The following ZNHIT6 variants were observed in gnomAD, a reference collection of about 807,000 sequenced individuals.
ZNHIT6 encodes the protein zinc finger HIT-type containing 6.
In ZNHIT6, 45 loss-of-function variants were observed where a neutral mutation model predicts 57.2. The ratio of observed to expected loss-of-function variants is 0.79; its 90% CI spans 0.62 to 1.01. ZNHIT6 has a LOEUF of 1.01. Among genes scored for constraint, ZNHIT6 ranks in the 50% least tolerant of loss-of-function variants. The pLI is 0.00. For missense variants in ZNHIT6, 528 were observed against 567.3 expected (o/e 0.93, Z 0.70); for synonymous variants, 188 against 190.0 (o/e 0.99, Z 0.09).
intron 5 of ZNHIT6, among the ~76,000 whole-genome samples, chr1:85,690,939 T>C (rs1158016439): frequency 2.6e-5 from 4 of 152,154 alleles, no homozygotes; most frequent in African/African-American, 9.7e-5. Context: ...GGCAGAAGAA[T>C]CACTTGAACC....
chr1:85,683,214 T>G (rs941926956), intron 5 of ZNHIT6, among the ~76,000 whole-genome samples: 1 of 151,404 alleles, frequency 6.6e-6, no homozygotes, highest in African/African-American at 2.4e-5. Context: ...AGACCCTGTT[T>G]CAAAAAAAAG....
intron 8 of ZNHIT6, among the ~76,000 whole-genome samples, chr1:85,659,390 TGTCAACCA>T (rs1557833947): frequency 6.6e-6 from 1 of 152,202 alleles, no homozygotes; most frequent in African/African-American, 2.4e-5. Flanking sequence ...GCTGAGAACA[TGTCAACCA>T]GTCTAGTGCA....
chr1:85,702,682 A>G (rs1662570850), intron 4 of ZNHIT6, among the ~76,000 whole-genome samples: 1 of 152,212 alleles, frequency 6.6e-6, no homozygotes, highest in Admixed American at 6.5e-5. Flanking sequence ...AGCTGTATAT[A>G]TATATCACTG....
rs1000568629 is a variant in ZNHIT6, at chr1:85,675,626, C to A, written c.1247+1610G>T. On this transcript the variant is annotated intron_variant, in intron 8 of 9. Transcript: ENST00000370574. ...ATTAGCCCCTAACAAGAGGGTCAGT[C>A]CATCCCTTGAAGCTTTTATGGCAGG... Among the ~76,000 whole-genome samples, 4 of 152,164 alleles carry A rather than the reference C, an allele frequency of 2.6e-5. No homozygotes were observed. In the East Asian group the frequency reaches 5.8e-4, roughly 22 times the overall value.
At position 85,657,899 on chromosome 1, in the gene ZNHIT6, T is replaced by C; in HGVS notation, c.1320A>G (p.Thr440=). The C allele has an allele frequency of 6.2e-7, 1 of 1,605,544 alleles. No individual in the cohort carries two copies. The highest frequency in any genetic ancestry group is 8.5e-7 in the Non-Finnish European group (1 of 1,174,286). Residue 440 remains threonine, a synonymous_variant, in exon 9 of 10, where the codon ACA becomes ACG. Transcript: ENST00000370574. Reference sequence around the variant, plus strand: ...TGGATCCTTTCAATACCACATGTAATGTTGGATACTCAATGATCACTTTGT... The same window carrying C: ...TGGATCCTTTCAATACCACATGTAACGTTGGATACTCAATGATCACTTTGT... ...LRNKVIIEYP[T]LHVVLKGSNN...
At chr1:85,705,430 G>A (rs563592725) in intron 4 of ZNHIT6, among the ~76,000 whole-genome samples, 133 of 152,122 alleles carry the variant, frequency 8.7e-4, no homozygotes, top group African/African-American at 3.0e-3. Flanking sequence ...TGCCCAGGCT[G>A]GTCTTGAACT....
chr1:85,663,837 A>AT (rs1291471233), intron 8 of ZNHIT6, among the ~76,000 whole-genome samples: 2 of 152,024 alleles, frequency 1.3e-5, no homozygotes, highest in Non-Finnish European at 2.9e-5. Flanking sequence ...CTGGTTGAAG[A>AT]TTTTTTTCTT....
At chr1:85,681,440 T>A (rs976491484) in intron 5 of ZNHIT6, among the ~76,000 whole-genome samples, 28 of 152,220 alleles carry the variant, frequency 1.8e-4, no homozygotes, top group Admixed American at 6.5e-4. Flanking sequence ...TCACTAAATG[T>A]CTGATTTTAG....
intron 8 of ZNHIT6, among the ~76,000 whole-genome samples, chr1:85,675,759 T>C (rs558251973): frequency 1.3e-5 from 2 of 152,350 alleles, no homozygotes; most frequent in South Asian, 4.1e-4. Flanking sequence ...TCATCAGTTA[T>C]CTTAGCTAGA....
chr1:85,683,696 A>C (rs928044026), intron 5 of ZNHIT6, among the ~76,000 whole-genome samples: 13 of 152,054 alleles, frequency 8.5e-5, no homozygotes, highest in Admixed American at 7.9e-4. Flanking sequence ...TATATGTCCC[A>C]CTTAAAAAAA....
intron 5 of ZNHIT6, among the ~76,000 whole-genome samples, chr1:85,693,354 A>T (rs922393424): frequency 2.0e-5 from 3 of 152,210 alleles, no homozygotes; most frequent in African/African-American, 7.2e-5. Flanking sequence ...TGAGTAAGTA[A>T]TACAATTCTG....
Position 85,677,748 on chromosome 1 carries a change from T to C in ZNHIT6, c.1170-435A>G, listed in dbSNP as rs113468944. On this transcript the variant is annotated intron_variant, in intron 7 of 9. Transcript: ENST00000370574. ...TCAAAAGCAAAAGAATGAGATTCAATTAGAACTGGATTAGACATTTTAGAA... is the reference window on the plus strand; with the variant it reads ...TCAAAAGCAAAAGAATGAGATTCAACTAGAACTGGATTAGACATTTTAGAA... 9.4e-3 allele frequency among the ~76,000 whole-genome samples: 1,429 copies of C among 152,314 alleles called. 58 individuals are homozygous for C. Among genetic ancestry groups the C allele is most frequent in the Admixed American group, 0.063 (956 of 15,286 alleles).
At chr1:85,706,378 CTTTTATA>C in intron 2 of ZNHIT6, 23 bp from the exon 3 acceptor site, 1 of 1,613,618 alleles carries the variant, frequency 6.2e-7, no homozygotes, top group East Asian at 2.2e-5. Context: ...AGGGGAAGTA[CTTTTATA>C]TTTTAGGGTA....
intron 8 of ZNHIT6, among the ~76,000 whole-genome samples, chr1:85,662,137 T>G (rs1006116956): frequency 5.6e-5 from 8 of 143,572 alleles, no homozygotes; most frequent in African/African-American, 2.0e-4. Flanking sequence ...TGTACTTTAT[T>G]AGCAAATTAG....
Position 85,657,989 on chromosome 1 carries a change from A to G in ZNHIT6, c.1248-18T>C, listed in dbSNP as rs183728289. ...CATAATATCTTATTAATAAAAAAAA[A>G]CAAAAAACCAGGAAACACTCTTAAT... On this transcript the variant is annotated intron_variant, in intron 8 of 9. Transcript: ENST00000370574. 71 of 1,406,162 alleles carry G rather than the reference A, an allele frequency of 5.0e-5. No homozygotes were observed. The African/African-American group carries it at 9.0e-4, about 18-fold the overall frequency. 87.1% of individuals were successfully genotyped at this position (1,406,162 alleles called of 1,614,324 possible). A position where few individuals can be genotyped will look rare whatever the true frequency, so the allele number is the denominator to read the frequency against.
intron 4 of ZNHIT6, among the ~76,000 whole-genome samples, chr1:85,704,630 G>C (rs1234502239): frequency 3.3e-5 from 5 of 151,986 alleles, no homozygotes; most frequent in Non-Finnish European, 5.9e-5. Flanking sequence ...AAATTGTAAA[G>C]TAATTTATCT....
At chr1:85,686,705 A>G (rs1008552779) in intron 5 of ZNHIT6, among the ~76,000 whole-genome samples, 1 of 152,284 alleles carries the variant, frequency 6.6e-6, no homozygotes, top group South Asian at 2.1e-4. Flanking sequence ...AATGTTGGGC[A>G]CTGCATTTTT....
chr1:85,701,217 C>T (rs1376935644), intron 5 of ZNHIT6, among the ~76,000 whole-genome samples: 2 of 152,086 alleles, frequency 1.3e-5, no homozygotes, highest in African/African-American at 4.8e-5. Context: ...ATTCTGATGG[C>T]TTTGTCTTTT....
At position 85,708,129 on chromosome 1, in the gene ZNHIT6, T is replaced by G. The variant is rs749368343; in HGVS notation, c.156A>C (p.Thr52=). Reference sequence around the variant, plus strand: ...CTCCATCCCCTATCTCCTTTATCCCTGTCAGCCCTGTCCCCTCCTCTCCGC... The same window carrying G: ...CTCCATCCCCTATCTCCTTTATCCCGGTCAGCCCTGTCCCCTCCTCTCCGC... ...FGGGEEGTGL[T]GIKEIGDGEE... Residue 52 remains threonine, a synonymous_variant, in exon 1 of 10, where the codon ACA becomes ACC. Coordinates refer to ENST00000370574, the MANE Select transcript of ZNHIT6 (RefSeq NM_017953.4). 7 of 1,614,016 alleles carry G rather than the reference T, an allele frequency of 4.3e-6. No individual in the cohort carries two copies. In the Admixed American group the frequency reaches 5.0e-5, roughly 12 times the overall value.
Sources: allele counts gnomAD v4.1 joint callset (sites outside exome capture counted in the v4.1 genomes callset), GRCh38; gene constraint gnomAD v4.1.1; transcripts MANE v1.5; gene names NCBI Gene and HGNC (gene_info 2026-07-23, HGNC 2026-07-21).